MACROD2: variants seen among roughly 807,000 people sequenced by gnomAD.
The protein encoded by MACROD2 is ADP-ribose glycohydrolase MACROD2.
Under a neutral mutation model 70.4 loss-of-function variants are expected in MACROD2, and 36 were observed. The ratio of observed to expected loss-of-function variants is 0.51; its 90% confidence interval spans 0.39 to 0.68. MACROD2 has a LOEUF of 0.68. Ranked by LOEUF, MACROD2 falls within the 30% of genes least tolerant of loss-of-function variation. MACROD2 has a pLI of 0.00. For missense variants in MACROD2, 496 were observed against 538.4 expected, an observed-to-expected ratio of 0.92 and a Z score of 0.78; for synonymous variants, 172 against 178.8, an observed-to-expected ratio of 0.96 and a Z score of 0.30.
chr20:14,462,203 T>C (rs1056563378), intron 3 of MACROD2, among the ~76,000 whole-genome samples: 10 of 152,072 alleles, frequency 6.6e-5, no homozygotes, highest in African/African-American at 1.5e-4. Flanking sequence ...CTGTTGTTTC[T>C]TGACTTTTTA....
In MACROD2 at chr20:16,002,057, T is replaced by C. The variant is rs910323398; in HGVS notation, c.1153+14899T>C. ...ATAATGTGTCTTATATATATATATATACATGTGTGTATATACATAAATATG... is the reference window on the plus strand; with the variant it reads ...ATAATGTGTCTTATATATATATATACACATGTGTGTATATACATAAATATG... On this transcript the variant is annotated intron_variant, in intron 15 of 17. Transcript: ENST00000684519. Among the ~76,000 whole-genome samples, 12 of 151,722 alleles carry C rather than the reference T, an allele frequency of 7.9e-5. No homozygotes were observed. In the South Asian group the frequency reaches 1.7e-3, roughly 21 times the overall value.
intron 3 of MACROD2, among the ~76,000 whole-genome samples, chr20:14,121,986 A>T (rs1000986583): frequency 2.0e-5 from 3 of 152,170 alleles, no homozygotes; most frequent in Non-Finnish European, 4.4e-5. Flanking sequence ...GACATAAATG[A>T]ATCATTTTTT....
intron 6 of MACROD2, among the ~76,000 whole-genome samples, chr20:15,264,448 T>G (rs1017674306): frequency 2.0e-5 from 3 of 152,106 alleles, no homozygotes; most frequent in Admixed American, 2.0e-4. Context: ...AGCATACACA[T>G]TTATTATGTA....
chr20:14,182,709 T>A (rs1004040865), intron 3 of MACROD2, among the ~76,000 whole-genome samples: 9 of 152,136 alleles, frequency 5.9e-5, no homozygotes, highest in African/African-American at 2.2e-4. Flanking sequence ...AAAATACTCT[T>A]AAGTGTGAGA....
chr20:14,798,461 A>G (rs1171347187), intron 5 of MACROD2, among the ~76,000 whole-genome samples: 1 of 152,042 alleles, frequency 6.6e-6, no homozygotes, highest in South Asian at 2.1e-4. Context: ...AAAAGTATTC[A>G]TCATGTGTGT....
At chr20:14,655,890 G>C (rs1399814364) in intron 4 of MACROD2, among the ~76,000 whole-genome samples, 2 of 152,122 alleles carry the variant, frequency 1.3e-5, no homozygotes, top group Non-Finnish European at 2.9e-5. Context: ...AAAGCTCAAT[G>C]ATATCTTTTT....
intron 9 of MACROD2, among the ~76,000 whole-genome samples, chr20:15,881,750 A>G (rs1344109750): frequency 1.3e-5 from 2 of 152,098 alleles, no homozygotes; most frequent in Non-Finnish European, 2.9e-5. Context: ...GATAGTTTTG[A>G]GAAGGGCTAT....
At chr20:14,603,863 T>A (rs1457667074) in intron 4 of MACROD2, among the ~76,000 whole-genome samples, 2 of 152,166 alleles carry the variant, frequency 1.3e-5, no homozygotes, top group African/African-American at 2.4e-5. Flanking sequence ...TAAAATCTCA[T>A]ATTATTCATG....
At chr20:14,820,923 C>T (rs893866185) in intron 5 of MACROD2, among the ~76,000 whole-genome samples, 12 of 151,954 alleles carry the variant, frequency 7.9e-5, no homozygotes, top group East Asian at 1.9e-4. Context: ...GGATGATGTG[C>T]GTTGCGTGGA....
chr20:15,819,384 G>C (rs1211009154), intron 8 of MACROD2, among the ~76,000 whole-genome samples: 1 of 137,032 alleles, frequency 7.3e-6, no homozygotes, highest in East Asian at 2.1e-4. Flanking sequence ...TATAAATATA[G>C]ATAACATATA....
intron 8 of MACROD2, among the ~76,000 whole-genome samples, chr20:15,803,533 G>A (rs1166179961): frequency 6.6e-6 from 1 of 152,142 alleles, no homozygotes; most frequent in East Asian, 1.9e-4. Flanking sequence ...TGTGTATTGA[G>A]AATGGGAAAT....
intron 5 of MACROD2, among the ~76,000 whole-genome samples, chr20:14,772,778 C>G (rs1840934548): frequency 6.6e-6 from 1 of 152,046 alleles, no homozygotes; most frequent in African/African-American, 2.4e-5. Context: ...AAAAGAGAAG[C>G]AATGCCAGAT....
intron 4 of MACROD2, among the ~76,000 whole-genome samples, chr20:14,507,746 T>G (rs2084985356): frequency 6.6e-6 from 1 of 152,200 alleles, no homozygotes; most frequent in African/African-American, 2.4e-5. Flanking sequence ...CCCCACTATG[T>G]TGATGGCCAT....
intron 15 of MACROD2, among the ~76,000 whole-genome samples, chr20:16,005,441 G>T (rs2066774996): frequency 6.6e-6 from 1 of 152,138 alleles, no homozygotes; most frequent in Non-Finnish European, 1.5e-5. Context: ...CTAAACGCAG[G>T]CTGTTCACCT....
chr20:15,266,660 T>C (rs534252149), intron 6 of MACROD2, among the ~76,000 whole-genome samples: 2 of 152,196 alleles, frequency 1.3e-5, no homozygotes, highest in Non-Finnish European at 2.9e-5. Flanking sequence ...CATGCCACTC[T>C]CTTGCTTAAC....
chr20:14,806,791 G>A (rs2072644375), intron 5 of MACROD2, among the ~76,000 whole-genome samples: 1 of 152,092 alleles, frequency 6.6e-6, no homozygotes, highest in Admixed American at 6.5e-5. Context: ...TGAGTAGGCG[G>A]TTTTCCCCTT....
chr20:14,887,296 A>C (rs2073689747), intron 5 of MACROD2, among the ~76,000 whole-genome samples: 1 of 152,174 alleles, frequency 6.6e-6, no homozygotes. Flanking sequence ...AGTGAGTAAT[A>C]TGGTGAGGAA....
chr20:15,760,264 T>C (rs2051416510), intron 8 of MACROD2, among the ~76,000 whole-genome samples: 1 of 152,192 alleles, frequency 6.6e-6, no homozygotes, highest in Admixed American at 6.5e-5. Flanking sequence ...CAGCTGCCAA[T>C]TCCTGGAGGG....
At position 14,018,775 on chromosome 20, in the gene MACROD2, C is replaced by T. The variant is rs564221323; in HGVS notation, c.163+16371C>T. Among the ~76,000 whole-genome samples the T allele has an allele frequency of 3.0e-4, 45 of 152,252 alleles. 1 individual carries two copies. Among genetic ancestry groups the T allele is most frequent in the Admixed American group, 2.2e-3 (33 of 15,302 alleles). On this transcript the variant is annotated intron_variant, in intron 2 of 17. Transcript: ENST00000684519. ...ATGTCACTCATCTCATCTGGGTCACCGGAATTGTCATTGAGCAGTGGGCTT... is the reference window on the plus strand; with the variant it reads ...ATGTCACTCATCTCATCTGGGTCACTGGAATTGTCATTGAGCAGTGGGCTT...
Sources: gnomAD v4.1 joint callset for allele counts (sites outside exome capture counted in the v4.1 genomes callset) on GRCh38, gnomAD v4.1.1 for gene constraint, MANE v1.5 for transcripts, NCBI Gene and HGNC (gene_info 2026-07-23, HGNC 2026-07-21) for gene names.